Variants in QTMAN observed in about 807,000 individuals in gnomAD.
QTMAN encodes queuosine-tRNA mannosyltransferase.
At chr2:143,963,894 A>G in the QTMAN span, 1 of 152,108 alleles carries the variant, frequency 6.6e-6, no homozygotes, top group Non-Finnish European at 1.5e-5. Context: ...TCTCAATCAT[A>G]TTCTCGGGAA....
chr2:143,991,434 G>T, the QTMAN span, among the ~76,000 whole-genome samples: 2 of 148,716 alleles, frequency 1.3e-5, no homozygotes, highest in Admixed American at 1.3e-4. Flanking sequence ...GAGGGAGGTG[G>T]GGGGGTCAGC....
chr2:143,964,451 C>T, the QTMAN span, among the ~76,000 whole-genome samples: 3 of 152,052 alleles, frequency 2.0e-5, no homozygotes, highest in Non-Finnish European at 4.4e-5. Flanking sequence ...TGCCACTGTG[C>T]CTGGCCTAAT....
At chr2:144,170,089 T>A in the QTMAN span, among the ~76,000 whole-genome samples, 1 of 152,196 alleles carries the variant, frequency 6.6e-6, no homozygotes, top group Non-Finnish European at 1.5e-5. Context: ...AGTCTTTAAA[T>A]TTTTACAAAC....
chr2:144,011,688 G>T, the QTMAN span: 2 of 983,456 alleles, frequency 2.0e-6, no homozygotes, highest in Non-Finnish European at 1.2e-6. Context: ...GGGTGAAACT[G>T]GCTTTTCTAT....
the QTMAN span, among the ~76,000 whole-genome samples, chr2:144,000,017 A>G: frequency 6.6e-6 from 1 of 152,080 alleles, no homozygotes; most frequent in Non-Finnish European, 1.5e-5. Context: ...TGTTGAATCT[A>G]TATTTATTTT....
the QTMAN span, among the ~76,000 whole-genome samples, chr2:144,241,381 G>A: frequency 6.6e-6 from 1 of 152,102 alleles, no homozygotes; most frequent in Non-Finnish European, 1.5e-5. Context: ...TCCCTCACAT[G>A]CAAAATAAAA....
At chr2:144,047,252 C>T in the QTMAN span, among the ~76,000 whole-genome samples, 145 of 152,184 alleles carry the variant, frequency 9.5e-4, no homozygotes, top group Non-Finnish European at 1.6e-4. Flanking sequence ...GCCTGGGTGA[C>T]AGAGTAAGGC....
chr2:144,105,131 G>A, the QTMAN span, among the ~76,000 whole-genome samples: 1 of 152,148 alleles, frequency 6.6e-6, no homozygotes, highest in Non-Finnish European at 1.5e-5. Context: ...AAAGATCGAA[G>A]GTAGATAAAA....
At chr2:144,142,339 T>C in the QTMAN span, among the ~76,000 whole-genome samples, 1 of 151,896 alleles carries the variant, frequency 6.6e-6, no homozygotes, top group East Asian at 1.9e-4. Flanking sequence ...AGCATATTTT[T>C]CCACAATGCC....
the QTMAN span, among the ~76,000 whole-genome samples, chr2:144,136,436 AAAAG>A: frequency 6.6e-6 from 1 of 150,994 alleles, no homozygotes; most frequent in Non-Finnish European, 1.5e-5. Flanking sequence ...AAAGGAAAGG[AAAAG>A]AAAGGAAAGG....
chr2:144,108,094 G>A, the QTMAN span, among the ~76,000 whole-genome samples: 9 of 152,168 alleles, frequency 5.9e-5, no homozygotes, highest in Middle Eastern at 0.01. Context: ...AGGTATTGAC[G>A]GGATGTATAT....
chr2:144,290,217 T>C, the QTMAN span, among the ~76,000 whole-genome samples: 1 of 152,136 alleles, frequency 6.6e-6, no homozygotes, highest in African/African-American at 2.4e-5. Context: ...AGGGTCCTGC[T>C]CTATTCAGGA....
chr2:144,092,802 T>C, the QTMAN span, among the ~76,000 whole-genome samples: 1 of 151,926 alleles, frequency 6.6e-6, no homozygotes, highest in Non-Finnish European at 1.5e-5. Flanking sequence ...TTATATATCA[T>C]AGGGCTTTAT....
the QTMAN span, among the ~76,000 whole-genome samples, chr2:144,198,526 G>C: frequency 3.0e-4 from 46 of 152,196 alleles, no homozygotes; most frequent in Non-Finnish European, 5.6e-4. Flanking sequence ...CATATGGTAA[G>C]AGCCTGTTCC....
chr2:144,120,873 C>G, the QTMAN span, among the ~76,000 whole-genome samples: 5 of 152,272 alleles, frequency 3.3e-5, no homozygotes, highest in African/African-American at 1.2e-4. Flanking sequence ...GTTTCATCTT[C>G]GTTACATCCA....
At chr2:144,172,621 C>CAAAAAAAA in the QTMAN span, among the ~76,000 whole-genome samples, 1 of 51,358 alleles carries the variant, frequency 1.9e-5, no homozygotes, top group African/African-American at 5.8e-5. Flanking sequence ...AAGACTCTGT[C>CAAAAAAAA]AAAAAAAAAA....
the QTMAN span, among the ~76,000 whole-genome samples, chr2:144,256,182 T>C: frequency 1.3e-5 from 2 of 152,284 alleles, no homozygotes; most frequent in East Asian, 1.9e-4. Flanking sequence ...TTGAAAAATA[T>C]AGTTCTCCAA....
the QTMAN span, among the ~76,000 whole-genome samples, chr2:144,001,143 G>A: frequency 6.6e-6 from 1 of 151,352 alleles, no homozygotes; most frequent in Non-Finnish European, 1.5e-5. Flanking sequence ...CTTTTCAGAA[G>A]ACTAGTCATT....
At chr2:143,960,164 T>C in the QTMAN span, among the ~76,000 whole-genome samples, 1 of 152,110 alleles carries the variant, frequency 6.6e-6, no homozygotes, top group African/African-American at 2.4e-5. Context: ...TCATATCAGG[T>C]TGTGTCAGAT....
Sources: gnomAD v4.1 joint callset for allele counts (sites outside exome capture counted in the v4.1 genomes callset) on GRCh38, gnomAD v4.1.1 for gene constraint, MANE v1.5 for transcripts, NCBI Gene and HGNC (gene_info 2026-07-23, HGNC 2026-07-21) for gene names.